Variants in MARCHF8 observed in about 807,000 individuals in gnomAD.
MARCHF8 encodes E3 ubiquitin-protein ligase MARCHF8.
Under a neutral mutation model 51.6 loss-of-function variants are expected in MARCHF8, and 40 were observed. The ratio of observed to expected loss-of-function variants is 0.77; its 90% confidence interval spans 0.60 to 1.01. MARCHF8 has a LOEUF of 1.01. Among genes scored for constraint, MARCHF8 ranks in the 50% least tolerant of loss-of-function variants. The probability of loss-of-function intolerance (pLI) is 0.00; values close to 1 mark genes in which losing one functional copy is unlikely to be tolerated. For synonymous variants in MARCHF8, 263 were observed against 280.3 expected, an observed-to-expected ratio of 0.94 and a Z score of 0.62; for missense variants, 685 against 708.6, an observed-to-expected ratio of 0.97 and a Z score of 0.38.
intron 1 of MARCHF8, among the ~76,000 whole-genome samples, chr10:45,552,033 AT>A (rs2044201580): frequency 6.6e-6 from 1 of 152,156 alleles, no homozygotes. Context: ...CTTCTGTACC[AT>A]CATGTTTCTT....
chr10:45,562,097 A>G (rs2044317640), intron 1 of MARCHF8, among the ~76,000 whole-genome samples: 1 of 152,102 alleles, frequency 6.6e-6, no homozygotes, highest in South Asian at 2.1e-4. Context: ...AATTGGAATA[A>G]ATTACTCAGA....
intron 2 of MARCHF8, among the ~76,000 whole-genome samples, chr10:45,502,989 G>A (rs2043308862): frequency 6.6e-6 from 1 of 152,124 alleles, no homozygotes; most frequent in Admixed American, 6.5e-5. Flanking sequence ...AATGTAGAAT[G>A]TAAGATAACT....
At chr10:45,494,872 GC>G (rs2043143818) in intron 2 of MARCHF8, among the ~76,000 whole-genome samples, 6 of 152,180 alleles carry the variant, frequency 3.9e-5, no homozygotes, top group Non-Finnish European at 8.8e-5. Context: ...TGTAATCCCA[GC>G]ACTTGGGAGG....
intron 2 of MARCHF8, among the ~76,000 whole-genome samples, chr10:45,506,261 A>G (rs1193218122): frequency 1.3e-5 from 2 of 152,176 alleles, no homozygotes; most frequent in Admixed American, 6.5e-5. Flanking sequence ...TGGAAATGGG[A>G]CCAGTTTAAT....
At chr10:45,555,380 A>G (rs1469349561) in intron 1 of MARCHF8, among the ~76,000 whole-genome samples, 2 of 151,836 alleles carry the variant, frequency 1.3e-5, no homozygotes, top group Non-Finnish European at 2.9e-5. Context: ...TCTATCATTA[A>G]TTAATGTAAT....
chr10:45,572,068 A>G (rs2044435344), intron 1 of MARCHF8, among the ~76,000 whole-genome samples: 2 of 151,290 alleles, frequency 1.3e-5, no homozygotes, highest in South Asian at 4.2e-4. Flanking sequence ...TTGGCTGCTC[A>G]CCCACCCCTT....
At chr10:45,498,814 G>T (rs1484713822) in intron 2 of MARCHF8, among the ~76,000 whole-genome samples, 1 of 152,276 alleles carries the variant, frequency 6.6e-6, no homozygotes, top group Admixed American at 6.5e-5. Flanking sequence ...GAAACTATAT[G>T]CAATAAATGT....
rs140127826 is a variant in MARCHF8 at position 45,480,043 on chromosome 10, G to A, written c.153+9324C>T. On this transcript the variant is annotated intron_variant, in intron 3 of 7. Transcript: ENST00000453424. ...ATCCAGGCTGAGGTGGTCTCAGATGGAGATGAGAAACTTGTTGCAAACTGG... is the reference window on the plus strand; with the variant it reads ...ATCCAGGCTGAGGTGGTCTCAGATGAAGATGAGAAACTTGTTGCAAACTGG... 3.2e-3 allele frequency among the ~76,000 whole-genome samples: 486 copies of A among 152,268 alleles called. 10 individuals are homozygous for A. In the East Asian group the frequency reaches 0.073, roughly 23 times the overall value.
At chr10:45,589,031 T>C (rs2044649392) in intron 1 of MARCHF8, among the ~76,000 whole-genome samples, 1 of 150,950 alleles carries the variant, frequency 6.6e-6, no homozygotes, top group African/African-American at 2.4e-5. Flanking sequence ...GAATCCATAT[T>C]ATAATTTAGT....
intron 2 of MARCHF8, among the ~76,000 whole-genome samples, chr10:45,516,801 A>G (rs2043626923): frequency 1.3e-5 from 2 of 152,144 alleles, no homozygotes; most frequent in African/African-American, 4.8e-5. Context: ...GAGTGCTCAA[A>G]AAAATCCTCA....
At chr10:45,517,874 T>C (rs898007427) in intron 2 of MARCHF8, among the ~76,000 whole-genome samples, 1 of 152,146 alleles carries the variant, frequency 6.6e-6, no homozygotes, top group Non-Finnish European at 1.5e-5. Flanking sequence ...CAGGCAAGGA[T>C]TTGCAATGTT....
chr10:45,477,425 A>T (rs1480305003), intron 3 of MARCHF8, among the ~76,000 whole-genome samples: 3 of 152,190 alleles, frequency 2.0e-5, no homozygotes, highest in Non-Finnish European at 4.4e-5. Context: ...GCAAGCACAC[A>T]AATAAGCAAA....
intron 2 of MARCHF8, among the ~76,000 whole-genome samples, chr10:45,515,804 C>A: frequency 6.6e-6 from 1 of 152,142 alleles, no homozygotes; most frequent in East Asian, 1.9e-4. Flanking sequence ...GAGCTGATGC[C>A]GCATTCAAGC....
chr10:45,582,814 GTAACT>G (rs1382100695), intron 1 of MARCHF8, among the ~76,000 whole-genome samples: 4 of 152,154 alleles, frequency 2.6e-5, no homozygotes, highest in African/African-American at 7.2e-5. Context: ...AAAAAACTAG[GTAACT>G]TAACTTAAAA....
At chr10:45,474,876 T>A (rs1434065489) in intron 3 of MARCHF8, among the ~76,000 whole-genome samples, 1 of 152,106 alleles carries the variant, frequency 6.6e-6, no homozygotes, top group Non-Finnish European at 1.5e-5. Context: ...ATTCCAGCCA[T>A]GACAGAGCCC....
At chr10:45,582,522 T>A (rs1475032244) in intron 1 of MARCHF8, among the ~76,000 whole-genome samples, 1 of 152,148 alleles carries the variant, frequency 6.6e-6, no homozygotes, top group Non-Finnish European at 1.5e-5. Context: ...ATGGCAGAAC[T>A]GAAAGGAATC....
At chr10:45,553,910 G>A (rs530268595) in intron 1 of MARCHF8, among the ~76,000 whole-genome samples, 1 of 152,262 alleles carries the variant, frequency 6.6e-6, no homozygotes, top group South Asian at 2.1e-4. Flanking sequence ...CACAATCAGA[G>A]ATGGATTTCT....
chr10:45,473,451 G>A (rs17157854), intron 3 of MARCHF8, among the ~76,000 whole-genome samples: 1 of 152,210 alleles, frequency 6.6e-6, no homozygotes, highest in African/African-American at 2.4e-5. Context: ...TCTCCCTGGG[G>A]TAAGTGCTGC....
intron 2 of MARCHF8, among the ~76,000 whole-genome samples, chr10:45,524,098 T>C (rs2043752827): frequency 6.6e-6 from 1 of 152,208 alleles, no homozygotes; most frequent in Admixed American, 6.5e-5. Context: ...CAAAAATCTA[T>C]ATATGCAAAA....
Sources: gnomAD v4.1 joint callset for allele counts (sites outside exome capture counted in the v4.1 genomes callset) on GRCh38, gnomAD v4.1.1 for gene constraint, MANE v1.5 for transcripts, NCBI Gene and HGNC (gene_info 2026-07-23, HGNC 2026-07-21) for gene names.